The following STEAP4 variants were observed in gnomAD, a reference collection of about 807,000 sequenced individuals.
STEAP4 encodes the protein STEAP4 metalloreductase.
A neutral mutation model predicts 43.6 loss-of-function variants in STEAP4; 36 were observed. The observed-to-expected ratio is 0.83, with a 90% confidence interval of 0.63 to 1.09. The LOEUF is 1.09. Ranked by LOEUF, STEAP4 falls within the 50% of genes least tolerant of loss-of-function variation. The probability of loss-of-function intolerance (pLI) is 0.00; values close to 1 mark genes in which losing one functional copy is unlikely to be tolerated. For synonymous variants in STEAP4, 191 were observed against 196.7 expected (o/e 0.97, Z 0.24); for missense variants, 495 against 546.5 (o/e 0.91, Z 0.94).
chr7:88,297,397 A>G (rs1035516522), intron 1 of STEAP4, among the ~76,000 whole-genome samples: 2 of 152,152 alleles, frequency 1.3e-5, no homozygotes, highest in Non-Finnish European at 2.9e-5. Context: ...AAATGTTGGG[A>G]GGAGACAGAG....
Position 88,282,827 on chromosome 7 carries a change from G to A in STEAP4, c.798C>T (p.Ala266=). The change falls in exon 3 of 5, where the codon GCC becomes GCT. Residue 266 remains alanine (A), a synonymous_variant. Transcript: ENST00000380079. ...TTGTGCCTCGGTACAGTTGTAGAAT[G>A]GCAGCAATAACACCAGGGAGGTAAA... is the stretch of plus-strand genomic sequence containing the variant. The part of the protein sequence containing the change: ...ALVYLPGVIA[A]ILQLYRGTKY... 6.2e-7 allele frequency: 1 copy of A among 1,614,146 alleles called. No homozygotes were observed. Among genetic ancestry groups the A allele is most frequent in the Non-Finnish European group, 8.5e-7 (1 of 1,180,024 alleles).
At chr7:88,287,747 C>A (rs750432339) in intron 1 of STEAP4, among the ~76,000 whole-genome samples, 2 of 152,112 alleles carry the variant, frequency 1.3e-5, no homozygotes, top group Middle Eastern at 3.2e-3. Context: ...TAATGCTATC[C>A]ATAGGAGCAA....
At position 88,282,706 on chromosome 7, in the gene STEAP4, A is replaced by C. The variant is rs565028522; in HGVS notation, c.919T>G (p.Tyr307Asp). 8.7e-6 allele frequency: 14 copies of C among 1,614,134 alleles called. No individual in the cohort carries two copies. In the South Asian group the frequency reaches 1.4e-4, roughly 16 times the overall value. ...TATCGAATAGGAATCACAAGTGTGT[A>C]GAGGACATGAAGGAAGGCAAATCCC... ...ALGFAFLHVL[Y>D]TLVIPIRYYV... The change falls in exon 3 of 5, where the codon TAC becomes GAC. Residue 307 changes from tyrosine to aspartate, a missense_variant. Coordinates refer to ENST00000380079, the MANE Select transcript of STEAP4 (RefSeq NM_024636.4).
At chr7:88,281,106 A>T in intron 3 of STEAP4, 27 bp from the exon 4 acceptor site, 2 of 1,505,836 alleles carry the variant, frequency 1.3e-6, no homozygotes, top group South Asian at 2.7e-5. Context: ...GCAATTACAA[A>T]ACTACATTTT....
chr7:88,280,056 A>G (rs1463734069), intron 4 of STEAP4, among the ~76,000 whole-genome samples: 1 of 152,208 alleles, frequency 6.6e-6, no homozygotes, highest in Admixed American at 6.5e-5. Flanking sequence ...GCTCATTTCT[A>G]TCACAATAAA....
In STEAP4 at chr7:88,271,719, G is replaced by C. The variant is rs553374154; in HGVS notation, c.*7679C>G. The C allele has an allele frequency of 6.6e-6, 1 of 152,258 alleles. No homozygotes were observed. Among genetic ancestry groups the C allele is most frequent in the African/African-American group, 2.4e-5 (1 of 41,562 alleles). The allele number at this position is 152,258 out of a possible 1,614,324, so 9.4% of individuals were successfully genotyped here. A position where few individuals can be genotyped will look rare whatever the true frequency, so the allele number is the denominator to read the frequency against. ...GACTCCTGGATCAAAACTTAACTCTGCATTTTTTAATTTTGAAAGATATTC... is the reference window on the plus strand; with the variant it reads ...GACTCCTGGATCAAAACTTAACTCTCCATTTTTTAATTTTGAAAGATATTC... On this transcript the variant is annotated 3_prime_UTR_variant, in exon 5 of 5. Transcript: ENST00000380079.
intron 1 of STEAP4, among the ~76,000 whole-genome samples, chr7:88,306,194 G>T (rs907039584): frequency 6.6e-6 from 1 of 152,164 alleles, no homozygotes; most frequent in African/African-American, 2.4e-5. Flanking sequence ...TTTAAAGAAA[G>T]TTCCTAAATT....
intron 1 of STEAP4, among the ~76,000 whole-genome samples, chr7:88,297,399 G>T (rs7804886): frequency 2.6e-5 from 4 of 152,120 alleles, no homozygotes; most frequent in Non-Finnish European, 5.9e-5. Context: ...ATGTTGGGAG[G>T]AGACAGAGAG....
intron 1 of STEAP4, among the ~76,000 whole-genome samples, chr7:88,286,386 T>C (rs1470472368): frequency 6.6e-6 from 1 of 152,258 alleles, no homozygotes; most frequent in African/African-American, 2.4e-5. Flanking sequence ...TGCATGATTT[T>C]AATACATTAA....
intron 1 of STEAP4, among the ~76,000 whole-genome samples, chr7:88,289,270 GA>G (rs1398280022): frequency 6.6e-6 from 1 of 152,116 alleles, no homozygotes; most frequent in Non-Finnish European, 1.5e-5. Context: ...TAAAAAGGAA[GA>G]TGCTGAATGA....
Position 88,284,047 on chromosome 7 carries a change from C to T in STEAP4, c.223G>A (p.Gly75Ser). 1.2e-6 allele frequency: 2 copies of T among 1,614,084 alleles called. No individual in the cohort carries two copies. Among genetic ancestry groups the T allele is most frequent in the East Asian group, 2.2e-5 (1 of 44,884 alleles). The change falls in exon 2 of 5, where the codon GGC becomes AGC. Residue 75 changes from glycine (G) to serine (S), a missense_variant. Gly to Ser is a moderately conservative substitution (Grantham distance 56). Transcript: ENST00000380079. ...LSYSEAAKKS[G>S]IIIIAIHREH... ...CTGTGGATTGCTATGATTATGATGC[C>T]AGACTTCTTGGCTGCTTCTGAATAG...
chr7:88,282,506 T>G, intron 3 of STEAP4, 135 bp downstream of exon 3: 3 of 901,848 alleles, frequency 3.3e-6, no homozygotes, highest in Non-Finnish European at 4.9e-6. Context: ...AAAACTGACA[T>G]GACATTTCTA....
At chr7:88,291,515 A>T (rs74598252) in intron 1 of STEAP4, among the ~76,000 whole-genome samples, 4 of 150,660 alleles carry the variant, frequency 2.7e-5, no homozygotes, top group African/African-American at 9.7e-5. Context: ...AAAGAAAAGA[A>T]ATAGATATAT....
At chr7:88,288,709 GA>G (rs545713329) in intron 1 of STEAP4, among the ~76,000 whole-genome samples, 1 of 151,860 alleles carries the variant, frequency 6.6e-6, no homozygotes, top group Non-Finnish European at 1.5e-5. Flanking sequence ...AAATCAATGA[GA>G]AAAAAACAAT....
rs113232878 is a variant in STEAP4 at position 88,301,585 on chromosome 7, CT to C, written c.-3+5206del. The stretch of plus-strand genomic sequence containing the variant: ...AACCACTGCACCTGGCCCCATATCA[CT>C]TTTTTTTTTTCCAGACAGCTGGAGT... On this transcript the variant is annotated intron_variant, in intron 1 of 4. Transcript: ENST00000380079. 5.3e-4 allele frequency among the ~76,000 whole-genome samples: 78 copies of C among 147,960 alleles called. 1 individual carries two copies. Among genetic ancestry groups the C allele is most frequent in the Middle Eastern group, 3.6e-3 (1 of 280 alleles).
intron 1 of STEAP4, chr7:88,304,267 A>G (rs1853090964): frequency 6.6e-6 from 1 of 152,158 alleles, no homozygotes; most frequent in South Asian, 2.1e-4. Context: ...GCGCACCAGC[A>G]TGGCACATGT....
At chr7:88,306,288 TA>T (rs1327993338) in intron 1 of STEAP4, among the ~76,000 whole-genome samples, 1 of 152,260 alleles carries the variant, frequency 6.6e-6, no homozygotes, top group African/African-American at 2.4e-5. Context: ...CTCTTCACAA[TA>T]AATTATATTC....
At position 88,273,401 on chromosome 7, in the gene STEAP4, T is replaced by C. The variant is rs1852468392; in HGVS notation, c.*5997A>G. 6.6e-6 allele frequency: 1 copy of C among 152,190 alleles called. No individual in the cohort carries two copies. The highest frequency in any genetic ancestry group is 1.5e-5 in the Non-Finnish European group (1 of 68,034). 9.4% of individuals were successfully genotyped at this position (152,190 alleles called of 1,614,324 possible). A position where few individuals can be genotyped will look rare whatever the true frequency, so the allele number is the denominator to read the frequency against. On this transcript the variant is annotated 3_prime_UTR_variant, in exon 5 of 5. Coordinates refer to ENST00000380079, the MANE Select transcript of STEAP4 (RefSeq NM_024636.4). ...TATTTTATCACAATCTGATACTTTT[T>C]GATATACAATACTGTGAGTTCCAGT...
Position 88,283,098 on chromosome 7 carries a change from G to GTT in STEAP4, c.526_527insAA (p.Thr176LysfsTer46). Reference sequence around the variant, plus strand: ...CATGAGTGATCCTTGATCCATTGGAGTAAGTCCAAGATTACGAACAATATC... The same window carrying GTT: ...CATGAGTGATCCTTGATCCATTGGAGTTTAAGTCCAAGATTACGAACAATATC... On this transcript the variant is annotated frameshift_variant, in exon 3 of 5. Coordinates refer to ENST00000380079, the MANE Select transcript of STEAP4 (RefSeq NM_024636.4). LOFTEE classifies it high-confidence loss of function. 1 of 1,607,340 alleles carries GTT rather than the reference G, an allele frequency of 6.2e-7. No individual in the cohort carries two copies. The highest frequency in any genetic ancestry group is 8.5e-7 in the Non-Finnish European group (1 of 1,177,462).
Sources: gnomAD v4.1 joint callset for allele counts (sites outside exome capture counted in the v4.1 genomes callset) on GRCh38, gnomAD v4.1.1 for gene constraint, MANE v1.5 for transcripts, NCBI Gene and HGNC (gene_info 2026-07-23, HGNC 2026-07-21) for gene names.